The following FRMPD4 variants were observed in gnomAD, a reference collection of about 807,000 sequenced individuals.
FRMPD4 encodes FERM and PDZ domain-containing protein 4.
In FRMPD4, 22 loss-of-function variants were observed where a neutral mutation model predicts 94.1. The observed-to-expected ratio is 0.23, with a 90% CI of 0.17 to 0.33. The LOEUF (loss-of-function observed/expected upper bound fraction) is 0.33. Among genes scored for constraint, FRMPD4 ranks in the 10% least tolerant of loss-of-function variants. The pLI is 1.00. For synonymous variants in FRMPD4, 631 were observed against 548.6 expected (o/e 1.15, Z -2.10); for missense variants, 1,111 against 1,339.9 (o/e 0.83, Z 2.67).
At chrX:12,252,729 A>G (rs982574873) in intron 1 of FRMPD4, among the ~76,000 whole-genome samples, 1 of 111,852 alleles carries the variant, frequency 8.9e-6, no homozygotes, top group Admixed American at 9.5e-5. Context: ...CATATGTACG[A>G]GGAGGAAAAA....
At chrX:12,232,453 G>A (rs776827919) in intron 1 of FRMPD4, among the ~76,000 whole-genome samples, 8 of 110,772 alleles carry the variant, frequency 7.2e-5, no homozygotes, top group Admixed American at 1.9e-4. Context: ...TTACTATCTC[G>A]AGAACAGCAT....
chrX:12,067,401 G>C (rs1209908631), intron 3 of FRMPD4, among the ~76,000 whole-genome samples: 3 of 110,084 alleles, frequency 2.7e-5, no homozygotes, highest in African/African-American at 9.9e-5. Flanking sequence ...TTGTTTGTTT[G>C]TTTGTTTGTT....
chrX:12,438,913 A>G (rs1350767545), intron 1 of FRMPD4, among the ~76,000 whole-genome samples: 1 of 111,226 alleles, frequency 9.0e-6, no homozygotes, highest in Non-Finnish European at 1.9e-5. Context: ...ACTTAGCACC[A>G]GGAGACAGTT....
intron 3 of FRMPD4, among the ~76,000 whole-genome samples, chrX:11,925,004 G>A (rs2054078239): frequency 9.0e-6 from 1 of 111,095 alleles, no homozygotes. Context: ...GTCCTCAAGA[G>A]ACCCATCTCA....
intron 3 of FRMPD4, among the ~76,000 whole-genome samples, chrX:11,928,903 A>G (rs1173196895): frequency 4.4e-5 from 5 of 112,977 alleles, no homozygotes; most frequent in Non-Finnish European, 9.4e-5. Context: ...AATGTGGTAC[A>G]TATACACCAT....
At chrX:11,923,677 C>G (rs1483478791) in intron 3 of FRMPD4, among the ~76,000 whole-genome samples, 1 of 112,333 alleles carries the variant, frequency 8.9e-6, no homozygotes, top group East Asian at 2.8e-4. Context: ...GCCTTGACCT[C>G]TAAAATCTCC....
intron 1 of FRMPD4, among the ~76,000 whole-genome samples, chrX:12,413,782 T>G (rs1376797829): frequency 8.9e-6 from 1 of 112,609 alleles, no homozygotes; most frequent in African/African-American, 3.2e-5. Flanking sequence ...TTCTTGTGTT[T>G]GAGGACCTGG....
intron 1 of FRMPD4, among the ~76,000 whole-genome samples, chrX:12,363,844 T>C (rs1406097937): frequency 7.2e-5 from 8 of 111,531 alleles, no homozygotes; most frequent in Admixed American, 3.8e-4. Flanking sequence ...AGCCAGGAAG[T>C]GGCATCTTGC....
intron 3 of FRMPD4, among the ~76,000 whole-genome samples, chrX:12,024,033 C>A (rs1354635725): frequency 3.6e-5 from 4 of 111,519 alleles, no homozygotes; most frequent in Non-Finnish European, 7.5e-5. Flanking sequence ...TTTTACTTCT[C>A]CTTTCTTTGT....
chrX:12,429,431 G>A (rs984312558), intron 1 of FRMPD4, among the ~76,000 whole-genome samples: 4 of 111,324 alleles, frequency 3.6e-5, no homozygotes, highest in African/African-American at 1.3e-4. Context: ...GCCTCTGACT[G>A]CTAAAACCTT....
chrX:12,034,430 C>T (rs2054709274), intron 3 of FRMPD4, among the ~76,000 whole-genome samples: 1 of 112,104 alleles, frequency 8.9e-6, no homozygotes, highest in Non-Finnish European at 1.9e-5. Context: ...TTTTTCAGTG[C>T]TCCTTTTGCT....
chrX:12,209,802 T>C, intron 1 of FRMPD4, among the ~76,000 whole-genome samples: 1 of 112,366 alleles, frequency 8.9e-6, no homozygotes, highest in South Asian at 3.7e-4. Context: ...TTTTCATTTA[T>C]GGCAAGTGGT....
intron 1 of FRMPD4, among the ~76,000 whole-genome samples, chrX:12,477,293 C>G (rs891841204): frequency 9.1e-6 from 1 of 110,321 alleles, no homozygotes. Context: ...CATCACACAC[C>G]GGGGCCTGTT....
intron 1 of FRMPD4, among the ~76,000 whole-genome samples, chrX:12,279,762 G>A (rs1421695594): frequency 1.8e-5 from 2 of 110,566 alleles, no homozygotes; most frequent in Non-Finnish European, 3.8e-5. Flanking sequence ...ATGTCCTGGC[G>A]AGCCACACAT....
intron 1 of FRMPD4, among the ~76,000 whole-genome samples, chrX:12,141,884 AT>A (rs1390398201): frequency 8.9e-6 from 1 of 112,192 alleles, no homozygotes; most frequent in African/African-American, 3.2e-5. Context: ...ACAGGCATAT[AT>A]TTTTATTGTT....
chrX:11,863,068 C>T (rs1386266032), intron 1 of FRMPD4, among the ~76,000 whole-genome samples: 1 of 100,228 alleles, frequency 1.0e-5, no homozygotes, highest in African/African-American at 3.7e-5. Context: ...ATATGTACAA[C>T]GTGCAGGTTT....
intron 1 of FRMPD4, among the ~76,000 whole-genome samples, chrX:11,836,243 G>T (rs1251965556): frequency 9.0e-6 from 1 of 111,701 alleles, no homozygotes; most frequent in Admixed American, 9.5e-5. Context: ...TGTGGGTGGT[G>T]TTGGGACCTC....
chrX:12,284,595 C>T (rs1234273940), intron 1 of FRMPD4, among the ~76,000 whole-genome samples: 1 of 111,869 alleles, frequency 8.9e-6, no homozygotes, highest in Non-Finnish European at 1.9e-5. Flanking sequence ...AGATTTACAG[C>T]AATATGACCC....
intron 3 of FRMPD4, among the ~76,000 whole-genome samples, chrX:11,944,112 G>C (rs895487547): frequency 8.9e-6 from 1 of 112,307 alleles, no homozygotes; most frequent in Non-Finnish European, 1.9e-5. Context: ...TTTACTGACC[G>C]CTGGTTTATG....
Sources: allele counts gnomAD v4.1 joint callset (sites outside exome capture counted in the v4.1 genomes callset), GRCh38; gene constraint gnomAD v4.1.1; transcripts MANE v1.5; gene names NCBI Gene and HGNC (gene_info 2026-07-23, HGNC 2026-07-21).